The following MAD1L1 variants were observed in gnomAD, a reference collection of about 807,000 sequenced individuals.
MAD1L1 encodes the protein mitotic arrest deficient 1 like 1.
MAD1L1 carries 95 observed loss-of-function variants against 96.9 expected under a neutral mutation model. The ratio of observed to expected loss-of-function variants is 0.98; its 90% CI spans 0.83 to 1.16. The LOEUF is 1.16. MAD1L1 is among the 50% of genes most tolerant of loss of function. The pLI is 0.00. For missense variants in MAD1L1, 1,007 were observed against 954.4 expected, an observed-to-expected ratio of 1.06 and a Z score of -0.73; for synonymous variants, 473 against 396.6, an observed-to-expected ratio of 1.19 and a Z score of -2.29.
rs548839411 is a variant in MAD1L1, at chr7:2,166,785, G to T, written c.987-17547C>A. Among the ~76,000 whole-genome samples the T allele has an allele frequency of 5.9e-5, 9 of 152,310 alleles. No homozygotes were observed. The South Asian group carries it at 1.9e-3, about 32-fold the overall frequency. ...AATGACCTGGGCGGAACCACGCCTGGCAGGGAGCTGCAGGGCCTCCATCAT... is the reference window on the plus strand; with the variant it reads ...AATGACCTGGGCGGAACCACGCCTGTCAGGGAGCTGCAGGGCCTCCATCAT... On this transcript the variant is annotated intron_variant, in intron 10 of 18. Coordinates refer to ENST00000265854, the MANE Select transcript of MAD1L1 (RefSeq NM_001013836.2).
intron 18 of MAD1L1, among the ~76,000 whole-genome samples, chr7:1,858,083 T>C (rs1784345769): frequency 6.6e-6 from 1 of 151,904 alleles, no homozygotes; most frequent in Non-Finnish European, 1.5e-5. Flanking sequence ...ATGTGACTGC[T>C]TTTTTTTAAT....
chr7:2,158,828 G>A (rs1789964910), intron 10 of MAD1L1, among the ~76,000 whole-genome samples: 1 of 152,192 alleles, frequency 6.6e-6, no homozygotes, highest in Admixed American at 6.5e-5. Flanking sequence ...ACCCGGCCCT[G>A]GGTCAGGTTC....
intron 14 of MAD1L1, among the ~76,000 whole-genome samples, chr7:1,986,462 C>A (rs562433755): frequency 6.6e-6 from 1 of 152,074 alleles, no homozygotes; most frequent in African/African-American, 2.4e-5. Flanking sequence ...CAAGGGCTCA[C>A]GCCGGCAAGG....
chr7:2,124,420 G>C (rs1282545064), intron 11 of MAD1L1, among the ~76,000 whole-genome samples: 1 of 152,234 alleles, frequency 6.6e-6, no homozygotes, highest in East Asian at 1.9e-4. Context: ...AGGACAGAGA[G>C]TAAGAAGACC....
intron 11 of MAD1L1, among the ~76,000 whole-genome samples, chr7:2,098,688 C>A (rs970637873): frequency 1.3e-5 from 2 of 152,214 alleles, no homozygotes; most frequent in Non-Finnish European, 2.9e-5. Flanking sequence ...CCTGCTGCCA[C>A]TGCTCCAGGA....
At chr7:1,946,895 C>T (rs567694838) in intron 16 of MAD1L1, among the ~76,000 whole-genome samples, 2 of 152,362 alleles carry the variant, frequency 1.3e-5, no homozygotes, top group Non-Finnish European at 2.9e-5. Flanking sequence ...GCCTCGGCCT[C>T]GACGGCCCGT....
At chr7:1,977,159 A>AG (rs1780681075) in intron 15 of MAD1L1, among the ~76,000 whole-genome samples, 1 of 152,186 alleles carries the variant, frequency 6.6e-6, no homozygotes, top group South Asian at 2.1e-4. Context: ...GCCGCAGAGC[A>AG]GGGGGCCGCG....
At chr7:1,835,228 T>C (rs1387431014) in intron 18 of MAD1L1, among the ~76,000 whole-genome samples, 3 of 152,176 alleles carry the variant, frequency 2.0e-5, no homozygotes, top group African/African-American at 4.8e-5. Context: ...TGGCTGAAGA[T>C]TGGATGCTTC....
intron 11 of MAD1L1, among the ~76,000 whole-genome samples, chr7:2,096,829 AT>A (rs1786516449): frequency 6.6e-6 from 1 of 152,084 alleles, no homozygotes; most frequent in Non-Finnish European, 1.5e-5. Flanking sequence ...GCACAGACCC[AT>A]GGTACAGCCC....
rs867684259 is a variant in MAD1L1 at position 2,011,122 on chromosome 7, G to A, written c.1359+3380C>T. 1.3e-3 allele frequency among the ~76,000 whole-genome samples: 194 copies of A among 152,280 alleles called. 1 individual carries two copies. The highest frequency in any genetic ancestry group is 4.5e-3 in the African/African-American group (186 of 41,566). On this transcript the variant is annotated intron_variant, in intron 13 of 18. Coordinates refer to ENST00000265854, the MANE Select transcript of MAD1L1 (RefSeq NM_001013836.2). The stretch of plus-strand genomic sequence containing the variant: ...GTCAGGAGCCCTCCCCGGCTGGGGC[G>A]ATGGCGGCCCCCCACCCCCCGACCG...
At chr7:2,098,004 G>A (rs1786581769) in intron 11 of MAD1L1, among the ~76,000 whole-genome samples, 1 of 152,224 alleles carries the variant, frequency 6.6e-6, no homozygotes, top group African/African-American at 2.4e-5. Flanking sequence ...AAGTAAGACG[G>A]AACTGAGAGG....
chr7:1,849,091 C>CACAG (rs1783812866), intron 18 of MAD1L1: 2 of 154,618 alleles, frequency 1.3e-5, no homozygotes, highest in Non-Finnish European at 2.9e-5. Context: ...CATGCACGGA[C>CACAG]ACATGCACAC....
In MAD1L1 at chr7:2,088,109, C is replaced by A. The variant is rs779085273; in HGVS notation, c.1074-18771G>T. On this transcript the variant is annotated intron_variant, in intron 11 of 18. Transcript: ENST00000265854. This position sits in a 1 kb window ranked among gnomAD's most constrained non-coding sequence, Gnocchi z 4.4. ...CTGACTTCTCCCCTTTAAAAGTCTA[C>A]ACACAAAGCACCCGCACAGGCTGAG... Among the ~76,000 whole-genome samples, 5 of 152,186 alleles carry A rather than the reference C, an allele frequency of 3.3e-5. No homozygotes were observed. Among genetic ancestry groups the A allele is most frequent in the Non-Finnish European group, 7.3e-5 (5 of 68,038 alleles).
At chr7:2,163,686 T>C (rs1790276763) in intron 10 of MAD1L1, among the ~76,000 whole-genome samples, 1 of 152,134 alleles carries the variant, frequency 6.6e-6, no homozygotes, top group Non-Finnish European at 1.5e-5. Context: ...CTACGTATAA[T>C]GCATTTTAAA....
intron 11 of MAD1L1, among the ~76,000 whole-genome samples, chr7:2,091,557 C>T (rs1195082479): frequency 2.0e-5 from 3 of 152,224 alleles, no homozygotes; most frequent in Non-Finnish European, 4.4e-5. Flanking sequence ...GGGCGGATCA[C>T]AAGGTCAGGA....
rs144842802 is a variant in MAD1L1 at position 1,949,907 on chromosome 7, T to C, written c.1596+7722A>G. 1.6e-3 allele frequency among the ~76,000 whole-genome samples: 239 copies of C among 152,314 alleles called. 1 individual carries two copies. The highest frequency in any genetic ancestry group is 5.5e-3 in the African/African-American group (228 of 41,578). On this transcript the variant is annotated intron_variant, in intron 16 of 18. Coordinates refer to ENST00000265854, the MANE Select transcript of MAD1L1 (RefSeq NM_001013836.2). ...GCAGACATGCTCAGGGATATCAGCT[T>C]TGAGGAGCCCGGACCCCCCAGGTCC...
chr7:1,849,357 T>C (rs1054930602), intron 18 of MAD1L1: 2 of 152,224 alleles, frequency 1.3e-5, no homozygotes, highest in Non-Finnish European at 2.9e-5. Context: ...CGGTTCCTTA[T>C]TTTCACAGGT....
At chr7:1,904,379 G>C (rs1787484265) in intron 17 of MAD1L1, among the ~76,000 whole-genome samples, 1 of 142,694 alleles carries the variant, frequency 7.0e-6, no homozygotes, top group Non-Finnish European at 1.5e-5. Context: ...CGCTCTTGCA[G>C]AATTCATGAT....
intron 17 of MAD1L1, among the ~76,000 whole-genome samples, chr7:1,903,282 T>C (rs1368756036): frequency 1.3e-5 from 2 of 149,142 alleles, no homozygotes; most frequent in Non-Finnish European, 3.0e-5. Context: ...GCGGAATTCA[T>C]GATTGATGAA....
Sources: gnomAD v4.1 joint callset for allele counts (sites outside exome capture counted in the v4.1 genomes callset) on GRCh38, gnomAD v4.1.1 for gene constraint, Gnocchi (gnomAD v3.1) non-coding constraint, MANE v1.5 for transcripts, NCBI Gene and HGNC (gene_info 2026-07-23, HGNC 2026-07-21) for gene names.